Variants in CD2AP observed in about 807,000 individuals in gnomAD.
The protein encoded by CD2AP is CD2 associated protein, also known as CD2-associated protein.
In CD2AP, 46 loss-of-function variants were observed where a neutral mutation model predicts 85.1. The observed-to-expected ratio is 0.54, with a 90% CI of 0.43 to 0.69. The LOEUF is 0.69. Ranked by LOEUF, CD2AP falls within the 30% of genes least tolerant of loss-of-function variation. The pLI is 0.00. For missense variants in CD2AP, 769 were observed against 729.5 expected, an observed-to-expected ratio of 1.05 and a Z score of -0.62; for synonymous variants, 255 against 252.9, an observed-to-expected ratio of 1.01 and a Z score of -0.08.
Position 47,624,403 on chromosome 6 carries a change from G to T in CD2AP, c.*176G>T. The T allele has an allele frequency of 1.7e-6, 1 of 571,506 alleles. No individual in the cohort carries two copies. The highest frequency in any genetic ancestry group is 2.5e-5 in the South Asian group (1 of 40,096). The allele number at this position is 571,506 out of a possible 1,614,324, so 35.4% of individuals were successfully genotyped here. On this transcript the variant is annotated 3_prime_UTR_variant, in exon 18 of 18. Transcript: ENST00000359314. ...TGAATTTATATATATATTTTGTTTT[G>T]CCAATATGAAGAAAAAGAGGCCTTA...
At chr6:47,572,141 C>A (rs1203136241) in intron 5 of CD2AP, among the ~76,000 whole-genome samples, 4 of 152,142 alleles carry the variant, frequency 2.6e-5, no homozygotes, top group Non-Finnish European at 5.9e-5. Flanking sequence ...GCAGAATCCA[C>A]CCTGACTGGA....
At chr6:47,486,600 C>T (rs550942832) in intron 1 of CD2AP, among the ~76,000 whole-genome samples, 8 of 152,192 alleles carry the variant, frequency 5.3e-5, no homozygotes, top group Non-Finnish European at 1.0e-4. Flanking sequence ...TTTTTTCCTC[C>T]ACTTCTGGCA....
At chr6:47,549,991 A>G (rs1263641344) in intron 4 of CD2AP, among the ~76,000 whole-genome samples, 1 of 152,214 alleles carries the variant, frequency 6.6e-6, no homozygotes, top group African/African-American at 2.4e-5. Flanking sequence ...TGGCACTGGA[A>G]TAATTGGCTA....
In CD2AP at chr6:47,574,202, T is replaced by G. The variant is rs1768237310; in HGVS notation, c.680T>G (p.Leu227Arg). 1 of 1,614,042 alleles carries G rather than the reference T, an allele frequency of 6.2e-7. No individual in the cohort carries two copies. The highest frequency in any genetic ancestry group is 1.3e-5 in the African/African-American group (1 of 75,038). Residue 227 changes from leucine (L) to arginine (R), a missense_variant, in exon 6 of 18, where the codon CTT (leucine) becomes CGT (arginine). Leu to Arg is a moderately radical substitution (Grantham distance 102). Coordinates refer to ENST00000359314, the MANE Select transcript of CD2AP (RefSeq NM_012120.3). ...GDIFKEGSVK[L>R]RTRTSSSETE... is the part of the protein sequence containing the mutation. The stretch of plus-strand genomic sequence containing the variant: ...ATTTTTAAAGAAGGCTCTGTGAAAC[T>G]TCGGACAAGAACATCCAGTAGTGAA...
intron 4 of CD2AP, among the ~76,000 whole-genome samples, chr6:47,551,750 G>A (rs1319119664): frequency 6.6e-6 from 1 of 152,074 alleles, no homozygotes; most frequent in Non-Finnish European, 1.5e-5. Context: ...TCAATGGTGG[G>A]GTGTCCTGGA....
chr6:47,510,923 A>C (rs1206796791), intron 2 of CD2AP, among the ~76,000 whole-genome samples: 3 of 151,962 alleles, frequency 2.0e-5, no homozygotes, highest in Admixed American at 6.5e-5. Context: ...AAATACAAAA[A>C]TTAGCTGGGC....
intron 1 of CD2AP, among the ~76,000 whole-genome samples, chr6:47,489,500 TA>T (rs1447483530): frequency 6.6e-6 from 1 of 152,070 alleles, no homozygotes; most frequent in African/African-American, 2.4e-5. Context: ...TTTTAAAAAA[TA>T]AAGGTCTGTT....
At chr6:47,531,918 C>G (rs1394648179) in intron 2 of CD2AP, among the ~76,000 whole-genome samples, 1 of 151,734 alleles carries the variant, frequency 6.6e-6, no homozygotes, top group Non-Finnish European at 1.5e-5. Flanking sequence ...ACTAAAAATA[C>G]AAAAATTAGC....
chr6:47,580,368 T>A (rs1768441451), intron 9 of CD2AP, among the ~76,000 whole-genome samples: 1 of 152,178 alleles, frequency 6.6e-6, no homozygotes, highest in Non-Finnish European at 1.5e-5. Flanking sequence ...AAAACATGTC[T>A]TTGCCTTTAA....
chr6:47,555,540 A>G (rs547270016), intron 5 of CD2AP, among the ~76,000 whole-genome samples: 1 of 152,176 alleles, frequency 6.6e-6, no homozygotes, highest in Non-Finnish European at 1.5e-5. Context: ...TAAGGTTGCC[A>G]GTATCATTGG....
chr6:47,494,074 T>C (rs1398858816), intron 1 of CD2AP, among the ~76,000 whole-genome samples: 1 of 152,256 alleles, frequency 6.6e-6, no homozygotes, highest in Non-Finnish European at 1.5e-5. Context: ...AGATGCTTGC[T>C]TTGTCTCTTT....
intron 16 of CD2AP, among the ~76,000 whole-genome samples, chr6:47,610,971 A>ATATATATATATATATTTTTTTTTTT: frequency 3.5e-5 from 4 of 112,902 alleles, no homozygotes; most frequent in African/African-American, 1.4e-4. Context: ...ATATATATGT[A>ATATATATATATATATTTTTTTTTTT]TTTTTTTTTT....
At chr6:47,599,225 A>T in intron 12 of CD2AP, 76 bp from the exon 13 acceptor site, 1 of 1,252,472 alleles carries the variant, frequency 8.0e-7, no homozygotes, top group Non-Finnish European at 1.2e-6. Flanking sequence ...TACAATCTTT[A>T]ATGTCATTAA....
intron 2 of CD2AP, 40 bp downstream of exon 2, chr6:47,503,480 G>C (rs1766051750): frequency 6.6e-7 from 1 of 1,507,814 alleles, no homozygotes; most frequent in Admixed American, 1.7e-5. Context: ...TTGCTTCATA[G>C]GATTTAATCT....
At position 47,508,525 on chromosome 6, in the gene CD2AP, T is replaced by A. The variant is rs1447801224; in HGVS notation, c.165+5085T>A. Among the ~76,000 whole-genome samples the A allele has an allele frequency of 4.8e-5, 7 of 146,456 alleles. No individual in the cohort carries two copies. In the South Asian group the frequency reaches 6.3e-4, roughly 13 times the overall value. On this transcript the variant is annotated intron_variant, in intron 2 of 17. Coordinates refer to ENST00000359314, the MANE Select transcript of CD2AP (RefSeq NM_012120.3). Reference sequence around the variant, plus strand: ...TTTGATCTTCTAATGACTCAAACTTTCTTTCTTTCTTTTTTTTTTTGTTTT... The same window carrying A: ...TTTGATCTTCTAATGACTCAAACTTACTTTCTTTCTTTTTTTTTTTGTTTT...
chr6:47,536,191 G>T (rs1456905266), intron 3 of CD2AP, among the ~76,000 whole-genome samples: 3 of 150,050 alleles, frequency 2.0e-5, no homozygotes, highest in African/African-American at 4.9e-5. Context: ...CTGTTTTCCT[G>T]TCATTTATGT....
chr6:47,568,136 T>G (rs188670657), intron 5 of CD2AP, among the ~76,000 whole-genome samples: 1 of 152,274 alleles, frequency 6.6e-6, no homozygotes, highest in East Asian at 1.9e-4. Flanking sequence ...GTTTTTGGCT[T>G]TGTAAGATGG....
intron 14 of CD2AP, among the ~76,000 whole-genome samples, chr6:47,606,875 G>A (rs983361415): frequency 6.6e-6 from 1 of 151,860 alleles, no homozygotes; most frequent in African/African-American, 2.4e-5. Flanking sequence ...TTTTTGACTA[G>A]TAGTTACCCT....
intron 2 of CD2AP, among the ~76,000 whole-genome samples, chr6:47,510,871 G>A (rs898638354): frequency 1.3e-5 from 2 of 151,804 alleles, no homozygotes; most frequent in African/African-American, 4.8e-5. Flanking sequence ...TCAAGAGATC[G>A]AGACCATCCT....
Sources: gnomAD v4.1 joint callset for allele counts (sites outside exome capture counted in the v4.1 genomes callset) on GRCh38, gnomAD v4.1.1 for gene constraint, MANE v1.5 for transcripts, NCBI Gene and HGNC (gene_info 2026-07-23, HGNC 2026-07-21) for gene names.